Variants in TANGO2 observed in about 807,000 individuals in gnomAD.
TANGO2 encodes the protein transport and golgi organization 2 homolog, also known as transport and Golgi organization protein 2 homolog.
TANGO2 carries 26 observed loss-of-function variants against 39.1 expected under a neutral mutation model. The observed-to-expected ratio is 0.67, with a 90% CI of 0.49 to 0.92. The LOEUF (loss-of-function observed/expected upper bound fraction) is 0.92, where lower values mean the gene tolerates loss of function less well. TANGO2 is among the 40% of genes least tolerant of loss of function. The pLI, the probability that TANGO2 is intolerant of heterozygous loss-of-function variation, is 0.00. For synonymous variants in TANGO2, 131 were observed against 144.5 expected, an observed-to-expected ratio of 0.91 and a Z score of 0.67; for missense variants, 326 against 360.1, an observed-to-expected ratio of 0.91 and a Z score of 0.77.
At chr22:20,047,517 G>A (rs1389138157) in intron 3 of TANGO2, among the ~76,000 whole-genome samples, 1 of 152,132 alleles carries the variant, frequency 6.6e-6, no homozygotes, top group Non-Finnish European at 1.5e-5. Flanking sequence ...TTAGAGGCGT[G>A]AGCCACCTCA....
intron 3 of TANGO2, among the ~76,000 whole-genome samples, chr22:20,047,628 C>T (rs76173340): frequency 0.01 from 1,542 of 152,284 alleles, 28 homozygotes; most frequent in African/African-American, 0.035. Flanking sequence ...AAACACTAAG[C>T]CCCTCTTCTC....
intron 8 of TANGO2, 86 bp from the exon 9 acceptor site, chr22:20,064,456 C>A: frequency 6.4e-7 from 1 of 1,557,198 alleles, no homozygotes; most frequent in South Asian, 1.2e-5. Flanking sequence ...ACTCTACCTG[C>A]CTGCATTCTT....
intron 6 of TANGO2, chr22:20,058,169 G>A (rs1174716950): frequency 6.6e-6 from 1 of 152,052 alleles, no homozygotes; most frequent in East Asian, 1.9e-4. Flanking sequence ...GACATTTCTT[G>A]ATCCCCAAAG....
At chr22:20,018,185 C>T (rs1015794434), upstream of TANGO2, among the ~76,000 whole-genome samples, 3 of 152,272 alleles carry the variant, frequency 2.0e-5, no homozygotes, top group South Asian at 2.1e-4. Context: ...ATCCCAGCTG[C>T]CTTTCAGAGC....
intron 6 of TANGO2, chr22:20,056,333 G>A (rs778417369): frequency 5.0e-5 from 29 of 577,672 alleles, no homozygotes; most frequent in Non-Finnish European, 9.2e-5. Flanking sequence ...CCCTGTGCCT[G>A]TTCCTTCTCA....
In TANGO2 at chr22:20,043,443, G is replaced by T; in HGVS notation, c.145G>T (p.Gly49Trp). 7 of 1,610,524 alleles carry T rather than the reference G, an allele frequency of 4.3e-6. No individual in the cohort carries two copies. The highest frequency in any genetic ancestry group is 5.9e-6 in the Non-Finnish European group (7 of 1,177,052). Residue 49 changes from glycine (G) to tryptophan (W), a missense_variant and splice_region_variant, in exon 3 of 9, where the codon GGG becomes TGG. Coordinates refer to ENST00000327374, the MANE Select transcript of TANGO2 (RefSeq NM_152906.7). ...GGGGAACAACAACGAGATCCTCAGT[G>T]GTGAGTCTTCCTGCGTGCTCAGCGG... ...FWGNNNEILS[G>W]LDMEEGKEGG...
intron 1 of TANGO2, among the ~76,000 whole-genome samples, chr22:20,032,560 C>A (rs987840419): frequency 6.6e-6 from 1 of 152,264 alleles, no homozygotes; most frequent in Non-Finnish European, 1.5e-5. Context: ...ATGGCTTTGA[C>A]CACTCTGGCC....
rs528042434 is a variant in TANGO2 at position 20,063,010 on chromosome 22, C to T, written c.606-328C>T. 8.6e-5 allele frequency: 23 copies of T among 268,416 alleles called. No homozygotes were observed. In the East Asian group the frequency reaches 9.1e-4, roughly 11 times the overall value. 16.6% of individuals were successfully genotyped at this position (268,416 alleles called of 1,614,324 possible). On this transcript the variant is annotated intron_variant, in intron 7 of 8. Coordinates refer to ENST00000327374, the MANE Select transcript of TANGO2 (RefSeq NM_152906.7). ...GGTGCACGCCTGTAATCCCAGCTGACGGCTGGAGCCCCGATGCTAGCTACA... is the reference window on the plus strand; with the variant it reads ...GGTGCACGCCTGTAATCCCAGCTGATGGCTGGAGCCCCGATGCTAGCTACA...
At chr22:20,037,129 T>A in intron 2 of TANGO2, 1 of 1,506,252 alleles carries the variant, frequency 6.6e-7, no homozygotes, top group Non-Finnish European at 8.8e-7. Context: ...CCAGGTGGGC[T>A]GCAGTTCTAT....
intron 2 of TANGO2, among the ~76,000 whole-genome samples, chr22:20,037,375 G>A (rs921138296): frequency 6.6e-6 from 1 of 152,124 alleles, no homozygotes; most frequent in South Asian, 2.1e-4. Flanking sequence ...GACTCAGGAC[G>A]GCCACACCTC....
At chr22:20,038,390 C>T (rs2043254945) in intron 2 of TANGO2, among the ~76,000 whole-genome samples, 1 of 152,234 alleles carries the variant, frequency 6.6e-6, no homozygotes, top group African/African-American at 2.4e-5. Flanking sequence ...CGTTTCAGGG[C>T]TGCCTCCTGC....
At chr22:20,037,914 A>G (rs1334008204) in intron 2 of TANGO2, among the ~76,000 whole-genome samples, 1 of 152,084 alleles carries the variant, frequency 6.6e-6, no homozygotes, top group Non-Finnish European at 1.5e-5. Context: ...TGGATAACAC[A>G]TCTCTACTAA....
In TANGO2 at chr22:20,061,891, G is replaced by GGGCCCA. The variant is rs3217042; in HGVS notation, c.605+229_605+234dup. 0.11 allele frequency: 68,675 copies of GGGCCCA among 616,634 alleles called. 5,580 individuals are homozygous for GGGCCCA. Among genetic ancestry groups the GGGCCCA allele is most frequent in the South Asian group, 0.16 (6,237 of 40,004 alleles). The allele number at this position is 616,634 out of a possible 1,614,324, so 38.2% of individuals were successfully genotyped here. ...CCAGGGACTTTTGATGACAGAAGAT[G>GGGCCCA]GGCCCAGGCCCAGGCCCAGGCCCAG... is the stretch of plus-strand genomic sequence containing the variant. On this transcript the variant is annotated intron_variant, in intron 7 of 8. Transcript: ENST00000327374.
chr22:20,058,641 CA>C (rs695705), intron 6 of TANGO2, among the ~76,000 whole-genome samples: 16,762 of 106,376 alleles, frequency 0.16, 985 homozygotes, highest in African/African-American at 0.22. Context: ...GATTGCATCT[CA>C]AAAAAAAAAA....
intron 1 of TANGO2, among the ~76,000 whole-genome samples, chr22:20,027,510 A>G (rs1405131227): frequency 1.3e-5 from 2 of 152,216 alleles, no homozygotes; most frequent in Non-Finnish European, 2.9e-5. Flanking sequence ...ATGGGACCCT[A>G]GCGTGTTAAC....
chr22:20,030,097 T>C (rs1361891377), intron 1 of TANGO2, among the ~76,000 whole-genome samples: 1 of 150,788 alleles, frequency 6.6e-6, no homozygotes, highest in Non-Finnish European at 1.5e-5. Flanking sequence ...CGCATTTCCT[T>C]CCCAGGGTGC....
intron 2 of TANGO2, among the ~76,000 whole-genome samples, chr22:20,039,904 C>G (rs762125707): frequency 6.6e-6 from 1 of 151,366 alleles, no homozygotes; most frequent in Non-Finnish European, 1.5e-5. Context: ...ACGCACTCAC[C>G]CTGCCTAGCA....
At position 20,055,901 on chromosome 22, in the gene TANGO2, C is replaced by A. The variant is rs376346260; in HGVS notation, c.381-42C>A. On this transcript the variant is annotated intron_variant, in intron 5 of 8. Transcript: ENST00000327374. ...TCACCGGGCAGTGTCGGGGAGGACG[C>A]CCTATGGCTGTAGTCTGACATTCTC... The A allele has an allele frequency of 3.5e-5, 54 of 1,550,088 alleles. 1 individual carries two copies. In the African/African-American group the frequency reaches 4.3e-4, roughly 12 times the overall value.
At chr22:20,046,504 G>A (rs1200304976) in intron 3 of TANGO2, among the ~76,000 whole-genome samples, 9 of 135,836 alleles carry the variant, frequency 6.6e-5, no homozygotes, top group East Asian at 2.2e-4. Context: ...TTGCTCTGTC[G>A]CTTAGGCTGG....
Sources: gnomAD v4.1 joint callset for allele counts (sites outside exome capture counted in the v4.1 genomes callset) on GRCh38, gnomAD v4.1.1 for gene constraint, MANE v1.5 for transcripts, NCBI Gene and HGNC (gene_info 2026-07-23, HGNC 2026-07-21) for gene names.